EVC2: variants seen among roughly 807,000 people sequenced by gnomAD.
EVC2 encodes EvC ciliary complex subunit 2.
Under a neutral mutation model 149.3 loss-of-function variants are expected in EVC2, and 148 were observed. The observed-to-expected ratio is 0.99, with a 90% CI of 0.87 to 1.14. The LOEUF is 1.14. Among genes scored for constraint, EVC2 ranks in the 50% most tolerant of loss-of-function variants. EVC2 has a pLI of 0.00. For synonymous variants in EVC2, 776 were observed against 649.9 expected, an observed-to-expected ratio of 1.19 and a Z score of -2.95; for missense variants, 1,854 against 1,627.3, an observed-to-expected ratio of 1.14 and a Z score of -2.40.
chr4:5,683,147 A>T (rs1720462619), intron 6 of EVC2, among the ~76,000 whole-genome samples: 1 of 152,208 alleles, frequency 6.6e-6, no homozygotes, highest in Non-Finnish European at 1.5e-5. Context: ...AGGGAAATGG[A>T]ACAGTTTTAG....
At chr4:5,666,650 A>G (rs1340191952) in intron 7 of EVC2, among the ~76,000 whole-genome samples, 2 of 152,218 alleles carry the variant, frequency 1.3e-5, no homozygotes, top group African/African-American at 4.8e-5. Flanking sequence ...TGATTTAATC[A>G]GACCTGGCTA....
rs752850734 is a variant in EVC2 at position 5,694,494 on chromosome 4, T to G, written c.291A>C (p.Ala97=). 4.3e-6 allele frequency: 7 copies of G among 1,614,186 alleles called. No individual in the cohort carries two copies. Among genetic ancestry groups the G allele is most frequent in the Non-Finnish European group, 5.9e-6 (7 of 1,180,036 alleles). The change falls in exon 3 of 22, where the codon GCA becomes GCC. Residue 97 remains alanine, a synonymous_variant. Coordinates refer to ENST00000344408, the MANE Select transcript of EVC2 (RefSeq NM_147127.5). The stretch of plus-strand genomic sequence containing the variant: ...TCTTGTCCAATTTCATTCCAAGTGG[T>G]GCTTCCACTGCAAAACAACAACACA... ...ECCHFKTAVE[A]PLGMKLDKKM...
chr4:5,585,276 T>C (rs901109184), intron 16 of EVC2, among the ~76,000 whole-genome samples: 6 of 152,222 alleles, frequency 3.9e-5, no homozygotes, highest in Non-Finnish European at 5.9e-5. Context: ...CAACTGGGAA[T>C]GCCCTTCCCA....
rs1225003407 is a variant in EVC2 at position 5,622,812 on chromosome 4, C to T, written c.2226G>A (p.Ser742=). 4.3e-6 allele frequency: 7 copies of T among 1,613,924 alleles called. No homozygotes were observed. The highest frequency in any genetic ancestry group is 1.3e-5 in the African/African-American group (1 of 74,876). The part of the protein sequence containing the change: ...ALDDLRTLTL[S]LFEKATDELR... ...GCTCGTCGGTGGCCTTTTCAAACAGCGAAAGGGTCAGGGTCCTGAGATCGT... is the reference window on the plus strand; with the variant it reads ...GCTCGTCGGTGGCCTTTTCAAACAGTGAAAGGGTCAGGGTCCTGAGATCGT... The change falls in exon 14 of 22, where the codon TCG becomes TCA. Residue 742 remains serine, a synonymous_variant. Coordinates refer to ENST00000344408, the MANE Select transcript of EVC2 (RefSeq NM_147127.5). The surrounding 1 kb of genome is among the most constrained non-coding windows in gnomAD (Gnocchi z 5.8).
At chr4:5,632,260 T>C (rs2108852157) in intron 10 of EVC2, among the ~76,000 whole-genome samples, 1 of 152,242 alleles carries the variant, frequency 6.6e-6, no homozygotes, top group South Asian at 2.1e-4. Context: ...ACACATGCAA[T>C]ATGTACACGC....
chr4:5,548,889 T>C (rs569883618), intron 21 of EVC2, among the ~76,000 whole-genome samples: 22 of 152,284 alleles, frequency 1.4e-4, no homozygotes, highest in Admixed American at 1.4e-3. Flanking sequence ...TTTGCTCTAC[T>C]TTCCTTGTTG....
chr4:5,583,980 G>C (rs981496862), intron 17 of EVC2, among the ~76,000 whole-genome samples: 1 of 151,770 alleles, frequency 6.6e-6, no homozygotes, highest in Non-Finnish European at 1.5e-5. Flanking sequence ...GCCTTAATAA[G>C]TATAACTAAG....
intron 21 of EVC2, among the ~76,000 whole-genome samples, chr4:5,546,223 C>T (rs1438472931): frequency 6.6e-6 from 1 of 152,136 alleles, no homozygotes; most frequent in African/African-American, 2.4e-5. Flanking sequence ...GGTATATACC[C>T]AAAGGACTAT....
chr4:5,635,471 G>T (rs899660289), intron 10 of EVC2, among the ~76,000 whole-genome samples: 1 of 135,092 alleles, frequency 7.4e-6, no homozygotes, highest in Non-Finnish European at 1.5e-5. Flanking sequence ...CCCCTGGAGG[G>T]AGTGTCCCAT....
rs2108858563 is a variant in EVC2 at position 5,637,288 on chromosome 4, A to G, written c.1470+3226T>C. The stretch of plus-strand genomic sequence containing the variant: ...ATGGGGCGCACAGCAGGGGGACGTA[A>G]CCTCCACTGCAGGAGGGGGCAGTGT... On this transcript the variant is annotated intron_variant, in intron 10 of 21. Transcript: ENST00000344408. The surrounding 1 kb of genome is among the most constrained non-coding windows in gnomAD (Gnocchi z 4.4). Among the ~76,000 whole-genome samples the G allele has an allele frequency of 6.6e-6, 1 of 152,152 alleles. No homozygotes were observed. The highest frequency in any genetic ancestry group is 3.4e-3 in the Middle Eastern group (1 of 294).
At chr4:5,653,026 C>A (rs1718254516) in intron 9 of EVC2, among the ~76,000 whole-genome samples, 1 of 152,190 alleles carries the variant, frequency 6.6e-6, no homozygotes, top group Non-Finnish European at 1.5e-5. Flanking sequence ...CCGTTCCATG[C>A]CAGCTCGGTG....
In EVC2 at chr4:5,632,150, A is replaced by C. The variant is rs761122379; in HGVS notation, c.1471-118T>G. 76 of 1,336,656 alleles carry C rather than the reference A, an allele frequency of 5.7e-5. No homozygotes were observed. In the Middle Eastern group the frequency reaches 1.5e-3, roughly 27 times the overall value. 82.8% of individuals were successfully genotyped at this position (1,336,656 alleles called of 1,614,324 possible). A position where few individuals can be genotyped will look rare whatever the true frequency, so the allele number is the denominator to read the frequency against. ...ACACAATGTGTACATGAACACACAGATGCATGCACATATGCATTACAATAT... is the reference window on the plus strand; with the variant it reads ...ACACAATGTGTACATGAACACACAGCTGCATGCACATATGCATTACAATAT... On this transcript the variant is annotated intron_variant, in intron 10 of 21. Transcript: ENST00000344408.
In EVC2 at chr4:5,696,027, T is replaced by G. The variant is rs959772474; in HGVS notation, c.284-1526A>C. Among the ~76,000 whole-genome samples the G allele has an allele frequency of 1.3e-5, 2 of 152,168 alleles. No individual in the cohort carries two copies. The highest frequency in any genetic ancestry group is 2.9e-5 in the Non-Finnish European group (2 of 68,034). On this transcript the variant is annotated intron_variant, in intron 2 of 21. Coordinates refer to ENST00000344408, the MANE Select transcript of EVC2 (RefSeq NM_147127.5). The surrounding 1 kb of genome is among the most constrained non-coding windows in gnomAD (Gnocchi z 4.1). ...ATTGCATCAAGCATCGGGGAACTGA[T>G]GGCCCTCGCCATGGAAACAAGTGGG... is the stretch of plus-strand genomic sequence containing the variant.
chr4:5,531,194 T>C, the EVC2 span, among the ~76,000 whole-genome samples: 1 of 152,140 alleles, frequency 6.6e-6, no homozygotes. Flanking sequence ...ACAAGCGAAC[T>C]GAGTCCCAGG....
chr4:5,698,476 G>A (rs1465613653), intron 1 of EVC2, among the ~76,000 whole-genome samples: 1 of 152,158 alleles, frequency 6.6e-6, no homozygotes, highest in Non-Finnish European at 1.5e-5. Context: ...CCTCCTCCGA[G>A]TCTGCTCAGC....
rs1715047589 is a variant in EVC2 at position 5,613,977 on chromosome 4, C to CA, written c.2829+1444dup. ...ACACCGGCACTAAAATAAAAACAAGCAAAAAAGCTAGAAAAAGGAGACAGG... is the reference window on the plus strand; with the variant it reads ...ACACCGGCACTAAAATAAAAACAAGCAAAAAAAGCTAGAAAAAGGAGACAGG... On this transcript the variant is annotated intron_variant, in intron 16 of 21. Coordinates refer to ENST00000344408, the MANE Select transcript of EVC2 (RefSeq NM_147127.5). This position sits in a 1 kb window ranked among gnomAD's most constrained non-coding sequence, Gnocchi z 4.6. Among the ~76,000 whole-genome samples, 1 of 151,950 alleles carries CA rather than the reference C, an allele frequency of 6.6e-6. No homozygotes were observed. The highest frequency in any genetic ancestry group is 1.5e-5 in the Non-Finnish European group (1 of 67,966).
At chr4:5,553,612 G>A (rs887870714) in intron 21 of EVC2, among the ~76,000 whole-genome samples, 1 of 152,074 alleles carries the variant, frequency 6.6e-6, no homozygotes, top group Non-Finnish European at 1.5e-5. Context: ...GATTTTTGGA[G>A]GAGTAATAAA....
Position 5,568,556 on chromosome 4 carries a change from T to C in EVC2, c.3445A>G (p.Thr1149Ala), listed in dbSNP as rs1382533822. ...LRRLLSVVLP[T>A]ASQPQLLALL... ...GCCAGCAGCTGAGGCTGTGAGGCTG[T>C]GGGCAGTACCACACTCAGGAGCCGG... is the stretch of plus-strand genomic sequence containing the variant. Residue 1149 changes from threonine to alanine, a missense_variant, in exon 20 of 22, where the codon ACA becomes GCA. Transcript: ENST00000344408. The C allele has an allele frequency of 1.2e-6, 2 of 1,605,208 alleles. No homozygotes were observed. The highest frequency in any genetic ancestry group is 1.1e-5 in the South Asian group (1 of 89,296).
At chr4:5,605,967 T>G (rs1714365407) in intron 16 of EVC2, among the ~76,000 whole-genome samples, 1 of 152,208 alleles carries the variant, frequency 6.6e-6, no homozygotes, top group Admixed American at 6.5e-5. Context: ...CTGACGGGAC[T>G]GCTGTAACTT....
Sources: allele counts gnomAD v4.1 joint callset (sites outside exome capture counted in the v4.1 genomes callset), GRCh38; gene constraint gnomAD v4.1.1; non-coding constraint Gnocchi (gnomAD v3.1); transcripts MANE v1.5; gene names NCBI Gene and HGNC (gene_info 2026-07-23, HGNC 2026-07-21).